Variants in KIF26B observed in about 807,000 individuals in gnomAD.
The protein encoded by KIF26B is kinesin family member 26B, also known as kinesin-like protein KIF26B.
KIF26B carries 63 observed loss-of-function variants against 151.2 expected under a neutral mutation model. The ratio of observed to expected loss-of-function variants is 0.42; its 90% CI spans 0.34 to 0.51. The LOEUF is 0.51. KIF26B is among the 20% of genes least tolerant of loss of function. The pLI, the probability that KIF26B is intolerant of heterozygous loss-of-function variation, is 0.07. For synonymous variants in KIF26B, 1,357 were observed against 1,262.1 expected, an observed-to-expected ratio of 1.08 and a Z score of -1.59; for missense variants, 2,813 against 2,913.6, an observed-to-expected ratio of 0.97 and a Z score of 0.79.
intron 5 of KIF26B, among the ~76,000 whole-genome samples, chr1:245,565,433 C>T (rs547809569): frequency 1.8e-3 from 268 of 152,162 alleles, no homozygotes; most frequent in Middle Eastern, 0.01. Flanking sequence ...GGACTACAGG[C>T]GTGCACCACC....
chr1:245,679,697 G>A lies in KIF26B; in HGVS notation c.2259-4536G>A, dbSNP rs1036158566. Among the ~76,000 whole-genome samples the A allele has an allele frequency of 2.6e-5, 4 of 152,058 alleles. 1 individual carries two copies. Among genetic ancestry groups the A allele is most frequent in the African/African-American group, 7.2e-5 (3 of 41,400 alleles). On this transcript the variant is annotated intron_variant, in intron 10 of 14. Coordinates refer to ENST00000407071, the MANE Select transcript of KIF26B (RefSeq NM_018012.4). The stretch of plus-strand genomic sequence containing the variant: ...TTGGCCAGGCTGGTCTCAAACTCCC[G>A]ATCTCAGGTGATCTGCCCGCCTCAG...
intron 10 of KIF26B, among the ~76,000 whole-genome samples, chr1:245,682,903 C>T (rs1048418719): frequency 6.7e-6 from 1 of 150,006 alleles, no homozygotes; most frequent in African/African-American, 2.5e-5. Context: ...TAAACTTTCA[C>T]AGCTCCTCCT....
intron 2 of KIF26B, among the ~76,000 whole-genome samples, chr1:245,254,365 C>G (rs1467751814): frequency 6.6e-6 from 1 of 151,660 alleles, no homozygotes; most frequent in African/African-American, 2.4e-5. Context: ...CTTTCCAGAG[C>G]AAAAAATTGG....
intron 3 of KIF26B, among the ~76,000 whole-genome samples, chr1:245,409,240 A>G (rs914854575): frequency 6.6e-6 from 1 of 152,238 alleles, no homozygotes; most frequent in Non-Finnish European, 1.5e-5. Flanking sequence ...CTTGATCTCT[A>G]TCTTAAGCCA....
Position 245,463,065 on chromosome 1 carries a change from AC to A in KIF26B, c.1166+43323del, listed in dbSNP as rs530805409. On this transcript the variant is annotated intron_variant, in intron 4 of 14. Transcript: ENST00000407071. Reference sequence around the variant, plus strand: ...ACTGCTGAGATTCCCTCTGTCCTCCACCCACACTTTCTCAACGGTGTCCTTC... The same window carrying A: ...ACTGCTGAGATTCCCTCTGTCCTCCACCACACTTTCTCAACGGTGTCCTTC... Among the ~76,000 whole-genome samples, 370 of 152,240 alleles carry A rather than the reference AC, an allele frequency of 2.4e-3. 1 individual carries two copies. The highest frequency in any genetic ancestry group is 4.2e-3 in the Non-Finnish European group (286 of 68,014).
At position 245,367,997 on chromosome 1, in the gene KIF26B, G is replaced by A. The variant is rs1043713702; in HGVS notation, c.999+630G>A. 3.3e-5 allele frequency among the ~76,000 whole-genome samples: 5 copies of A among 152,158 alleles called. No homozygotes were observed. Among genetic ancestry groups the A allele is most frequent in the African/African-American group, 1.2e-4 (5 of 41,442 alleles). On this transcript the variant is annotated intron_variant, in intron 3 of 14. Coordinates refer to ENST00000407071, the MANE Select transcript of KIF26B (RefSeq NM_018012.4). This position sits in a 1 kb window ranked among gnomAD's most constrained non-coding sequence, Gnocchi z 4.2. ...GGATATTGTGAGTCCCAGGAATCAC[G>A]GTTTTAAAGCAGCCTGTGGAAGTGC...
At chr1:245,605,546 G>C (rs1349759392) in intron 6 of KIF26B, among the ~76,000 whole-genome samples, 1 of 152,182 alleles carries the variant, frequency 6.6e-6, no homozygotes, top group African/African-American at 2.4e-5. Context: ...CCCTTCAGTG[G>C]CTTCGGCAGT....
intron 2 of KIF26B, among the ~76,000 whole-genome samples, chr1:245,184,822 C>T (rs1668972625): frequency 1.3e-5 from 2 of 152,110 alleles, no homozygotes; most frequent in Non-Finnish European, 2.9e-5. Context: ...TTGTTTTTGG[C>T]GAGTGTGGCT....
chr1:245,478,367 G>A (rs1660086442), intron 4 of KIF26B, among the ~76,000 whole-genome samples: 1 of 150,890 alleles, frequency 6.6e-6, no homozygotes, highest in Non-Finnish European at 1.5e-5. Flanking sequence ...AAGGACTTGA[G>A]CATTGCTTTT....
At chr1:245,249,241 T>C (rs918183107) in intron 2 of KIF26B, among the ~76,000 whole-genome samples, 3 of 151,838 alleles carry the variant, frequency 2.0e-5, no homozygotes, top group Admixed American at 1.3e-4. Context: ...GGATTACAGG[T>C]GTGTGCCACC....
chr1:245,220,827 G>A (rs572914717), intron 2 of KIF26B, among the ~76,000 whole-genome samples: 1 of 152,256 alleles, frequency 6.6e-6, no homozygotes, highest in African/African-American at 2.4e-5. Context: ...CTTTTGGGGA[G>A]GGAAGACCAC....
intron 7 of KIF26B, among the ~76,000 whole-genome samples, chr1:245,608,231 AAGG>A (rs1421153069): frequency 2.0e-5 from 3 of 152,174 alleles, no homozygotes; most frequent in African/African-American, 7.2e-5. Flanking sequence ...GCGTCTGGGA[AAGG>A]AGGCAGCAGA....
chr1:245,374,719 T>C (rs1408576133), intron 3 of KIF26B, among the ~76,000 whole-genome samples: 2 of 152,184 alleles, frequency 1.3e-5, no homozygotes, highest in Non-Finnish European at 2.9e-5. Context: ...GTCAAAGGGA[T>C]ATTAGGTTAT....
At chr1:245,295,386 G>C (rs927554138) in intron 2 of KIF26B, among the ~76,000 whole-genome samples, 2 of 152,196 alleles carry the variant, frequency 1.3e-5, no homozygotes, top group East Asian at 3.9e-4. Flanking sequence ...AGAAGAATAA[G>C]GTTGAACTGG....
chr1:245,197,675 A>G (rs1669219512), intron 2 of KIF26B, among the ~76,000 whole-genome samples: 1 of 152,188 alleles, frequency 6.6e-6, no homozygotes, highest in African/African-American at 2.4e-5. Flanking sequence ...TGCTGATTAT[A>G]AAGAATGAAA....
At chr1:245,266,078 G>A (rs1670740007) in intron 2 of KIF26B, among the ~76,000 whole-genome samples, 1 of 152,110 alleles carries the variant, frequency 6.6e-6, no homozygotes, top group Non-Finnish European at 1.5e-5. Context: ...AAAAGGATTT[G>A]TATTTAGAGT....
chr1:245,697,150 A>G (rs1166285116), intron 12 of KIF26B, among the ~76,000 whole-genome samples: 1 of 152,160 alleles, frequency 6.6e-6, no homozygotes, highest in Non-Finnish European at 1.5e-5. Flanking sequence ...AGGAGCTCGG[A>G]GCCCAGAGTT....
chr1:245,242,005 G>T (rs1288975545), intron 2 of KIF26B, among the ~76,000 whole-genome samples: 1 of 152,086 alleles, frequency 6.6e-6, no homozygotes, highest in Admixed American at 6.6e-5. Flanking sequence ...TATTTCCTCT[G>T]CCTGGAATGT....
chr1:245,523,564 G>T (rs1485109908), intron 4 of KIF26B, among the ~76,000 whole-genome samples: 3 of 152,198 alleles, frequency 2.0e-5, no homozygotes, highest in Admixed American at 1.3e-4. Context: ...ATCAGGTTCA[G>T]TGTCTGGTAA....
Sources: allele counts gnomAD v4.1 joint callset (sites outside exome capture counted in the v4.1 genomes callset), GRCh38; gene constraint gnomAD v4.1.1; non-coding constraint Gnocchi (gnomAD v3.1); transcripts MANE v1.5; gene names NCBI Gene and HGNC (gene_info 2026-07-23, HGNC 2026-07-21).